The following AR variants were observed in gnomAD, a reference collection of about 807,000 sequenced individuals.
AR encodes the protein dihydrotestosterone receptor.
A neutral mutation model predicts 53.9 loss-of-function variants in AR; 8 were observed. That is an observed-to-expected ratio of 0.15 (90% confidence interval 0.09 to 0.27). The LOEUF is 0.27. AR is among the 10% of genes least tolerant of loss of function. The probability of loss-of-function intolerance (pLI) is 1.00; values close to 1 mark genes in which losing one functional copy is unlikely to be tolerated. For missense variants in AR, 639 were observed against 742.5 expected (o/e 0.86, Z 1.62); for synonymous variants, 359 against 316.4 (o/e 1.13, Z -1.43).
chrX:67,674,425 G>T (rs1569302465), intron 2 of AR, among the ~76,000 whole-genome samples: 1 of 110,924 alleles, frequency 9.0e-6, no homozygotes, highest in Non-Finnish European at 1.9e-5. Context: ...CTTCCCTTCA[G>T]GGTGATGAGT....
intron 2 of AR, among the ~76,000 whole-genome samples, chrX:67,653,454 G>C (rs1427956398): frequency 2.7e-5 from 3 of 111,681 alleles, no homozygotes; most frequent in Non-Finnish European, 5.6e-5. Context: ...GGTTGATCTG[G>C]GTCTTGAGGG....
intron 1 of AR, among the ~76,000 whole-genome samples, chrX:67,577,066 C>T (rs1208833064): frequency 3.1e-5 from 3 of 96,224 alleles, no homozygotes; most frequent in Non-Finnish European, 6.2e-5. Context: ...AATTTTGGAA[C>T]AATTTCATTG....
At chrX:67,612,571 C>T (rs1471739232) in intron 1 of AR, among the ~76,000 whole-genome samples, 1 of 111,869 alleles carries the variant, frequency 8.9e-6, no homozygotes, top group East Asian at 2.8e-4. Context: ...TCTGTGAAGC[C>T]TTTTCCAATC....
intron 1 of AR, among the ~76,000 whole-genome samples, chrX:67,635,142 T>A (rs1925368504): frequency 9.0e-6 from 1 of 110,890 alleles, no homozygotes; most frequent in Non-Finnish European, 1.9e-5. Context: ...TATTTCATTT[T>A]CTTATGGTAA....
chrX:67,561,252 T>G (rs183822674), intron 1 of AR, among the ~76,000 whole-genome samples: 1 of 112,160 alleles, frequency 8.9e-6, no homozygotes, highest in East Asian at 2.8e-4. Context: ...AGTATTTCTT[T>G]ATGAAATGAT....
intron 1 of AR, among the ~76,000 whole-genome samples, chrX:67,568,179 C>G (rs1199386961): frequency 8.9e-6 from 1 of 111,856 alleles, no homozygotes; most frequent in Non-Finnish European, 1.9e-5. Flanking sequence ...TTGTATATAG[C>G]AGGCATTTGT....
intron 3 of AR, chrX:67,689,508 C>G: frequency 1.1e-6 from 1 of 870,285 alleles, no homozygotes; most frequent in Non-Finnish European, 1.5e-6. Context: ...ATAGCTTTTT[C>G]TTTCCTGCTT....
intron 1 of AR, among the ~76,000 whole-genome samples, chrX:67,573,044 G>A (rs1192075031): frequency 9.0e-6 from 1 of 111,435 alleles, no homozygotes; most frequent in African/African-American, 3.3e-5. Context: ...CCTACCACTA[G>A]AATGTGATAG....
At chrX:67,723,656 T>C (rs750757329) in intron 7 of AR, 30 bp from the exon 8 acceptor site, 2 of 1,208,480 alleles carry the variant, frequency 1.7e-6, no homozygotes, top group Non-Finnish European at 2.2e-6. Flanking sequence ...TTGTCAACCC[T>C]GTTTTTCTCC....
intron 4 of AR, 44 bp downstream of exon 4, chrX:67,711,733 T>G (rs772596896): frequency 2.9e-5 from 33 of 1,149,553 alleles, no homozygotes; most frequent in Non-Finnish European, 3.4e-5. Context: ...GGGGATCATA[T>G]TTAGTGAACG....
In AR at chrX:67,643,477, T is replaced by TC. The variant is rs1029047390; in HGVS notation, c.1768+71dup. 27 of 1,124,195 alleles carry TC rather than the reference T, an allele frequency of 2.4e-5. No homozygotes were observed. The African/African-American group carries it at 4.7e-4, about 20-fold the overall frequency. 92.6% of individuals were successfully genotyped at this position (1,124,195 alleles called of 1,213,427 possible). ...CCTTCCAGAGAGAGACACTAACCTT[T>TC]CAGGGCCCAGGATTTTATCATCTCA... On this transcript the variant is annotated intron_variant, in intron 2 of 7. Coordinates refer to ENST00000374690, the MANE Select transcript of AR (RefSeq NM_000044.6).
At chrX:67,709,598 G>A (rs912236938) in intron 3 of AR, among the ~76,000 whole-genome samples, 1 of 112,101 alleles carries the variant, frequency 8.9e-6, no homozygotes, top group Non-Finnish European at 1.9e-5. Context: ...CGGGTGAGGC[G>A]ATGCCTCTCC....
At chrX:67,662,312 T>C (rs1213022142) in intron 2 of AR, among the ~76,000 whole-genome samples, 1 of 111,383 alleles carries the variant, frequency 9.0e-6, no homozygotes, top group Non-Finnish European at 1.9e-5. Context: ...CTTTCCTGCT[T>C]TCTCTTGTGG....
At chrX:67,719,658 G>C (rs1341536721) in intron 5 of AR, among the ~76,000 whole-genome samples, 2 of 111,872 alleles carry the variant, frequency 1.8e-5, no homozygotes, top group Non-Finnish European at 3.8e-5. Flanking sequence ...GACATATTGG[G>C]AAAAATAATT....
At chrX:67,626,630 A>G (rs1168198819) in intron 1 of AR, among the ~76,000 whole-genome samples, 1 of 99,598 alleles carries the variant, frequency 1.0e-5, no homozygotes, top group Non-Finnish European at 2.0e-5. Context: ...ATATATATAT[A>G]TATATTTATT....
At chrX:67,589,847 G>C (rs761497175) in intron 1 of AR, among the ~76,000 whole-genome samples, 103 of 111,583 alleles carry the variant, frequency 9.2e-4, no homozygotes, top group Admixed American at 1.2e-3. Context: ...CTGTATACTC[G>C]AGCATGCCCT....
intron 1 of AR, among the ~76,000 whole-genome samples, chrX:67,565,862 TTTGTATTTTTAGTAG>T (rs1280810120): frequency 9.0e-6 from 1 of 111,373 alleles, no homozygotes; most frequent in Non-Finnish European, 1.9e-5. Context: ...CTGGCTAATT[TTTGTATTTTTAGTAG>T]AGATGAGGTT....
At chrX:67,586,750 T>C (rs1922565495) in intron 1 of AR, among the ~76,000 whole-genome samples, 1 of 111,920 alleles carries the variant, frequency 8.9e-6, no homozygotes. Context: ...TTATAGTTCT[T>C]GTATGTTGAG....
At chrX:67,702,351 C>T (rs2076046185) in intron 3 of AR, among the ~76,000 whole-genome samples, 1 of 111,185 alleles carries the variant, frequency 9.0e-6, no homozygotes, top group Middle Eastern at 4.3e-3. Flanking sequence ...GGGAGCAGAT[C>T]CTGTAGGCCA....
Sources: gnomAD v4.1 joint callset for allele counts (sites outside exome capture counted in the v4.1 genomes callset) on GRCh38, gnomAD v4.1.1 for gene constraint, MANE v1.5 for transcripts, NCBI Gene and HGNC (gene_info 2026-07-23, HGNC 2026-07-21) for gene names.